HDAC1: variants seen among roughly 807,000 people sequenced by gnomAD.
HDAC1 encodes the protein histone deacetylase 1.
HDAC1 carries 18 observed loss-of-function variants against 65.5 expected under a neutral mutation model. The ratio of observed to expected loss-of-function variants is 0.27; its 90% CI spans 0.19 to 0.41. The LOEUF is 0.41. Ranked by LOEUF, HDAC1 falls within the 10% of genes least tolerant of loss-of-function variation. HDAC1 has a pLI of 1.00. For synonymous variants in HDAC1, 211 were observed against 227.9 expected (o/e 0.93, Z 0.67); for missense variants, 373 against 625.2 (o/e 0.60, Z 4.30).
At chr1:32,326,442 G>A (rs930964257) in intron 4 of HDAC1, among the ~76,000 whole-genome samples, 2 of 152,112 alleles carry the variant, frequency 1.3e-5, no homozygotes, top group Non-Finnish European at 2.9e-5. Context: ...TGGGATTACA[G>A]GTGTGAGCCA....
intron 1 of HDAC1, among the ~76,000 whole-genome samples, chr1:32,301,402 C>T (rs1404421396): frequency 2.0e-5 from 3 of 151,464 alleles, no homozygotes; most frequent in Non-Finnish European, 4.4e-5. Flanking sequence ...GCTGAGATCG[C>T]GCCACTGCAC....
Position 32,333,178 on chromosome 1 carries a change from C to G in HDAC1, c.*134C>G. On this transcript the variant is annotated 3_prime_UTR_variant, in exon 14 of 14. Coordinates refer to ENST00000373548, the MANE Select transcript of HDAC1 (RefSeq NM_004964.3). ...ATATAAATATCCCCAGGGACAGAAA[C>G]CAAGGCCCCGAGCTCAGGGCAGCTG... The G allele has an allele frequency of 1.4e-6, 1 of 738,322 alleles. No individual in the cohort carries two copies. The highest frequency in any genetic ancestry group is 2.1e-6 in the Non-Finnish European group (1 of 472,092). The allele number at this position is 738,322 out of a possible 1,614,324, so 45.7% of individuals were successfully genotyped here.
intron 2 of HDAC1, among the ~76,000 whole-genome samples, chr1:32,311,209 T>TGTA (rs1190187522): frequency 1.3e-5 from 2 of 152,180 alleles, no homozygotes; most frequent in Non-Finnish European, 2.9e-5. Context: ...GGCTCATGCC[T>TGTA]GTAACCCTGG....
chr1:32,292,250 C>T (rs1162634994), intron 1 of HDAC1, 32 bp downstream of exon 1: 3 of 1,546,980 alleles, frequency 1.9e-6, no homozygotes, highest in Non-Finnish European at 2.6e-6. Context: ...GGGGCGGGGC[C>T]AGGCCGGGCC....
chr1:32,329,142 T>C lies in HDAC1; in HGVS notation c.711T>C (p.Tyr237=), dbSNP rs1289789470. 6.2e-7 allele frequency: 1 copy of C among 1,610,320 alleles called. No individual in the cohort carries two copies. The highest frequency in any genetic ancestry group is 8.5e-7 in the Non-Finnish European group (1 of 1,176,590). Reference sequence around the variant, plus strand: ...GAGACGGGATTGATGACGAGTCCTATGAGGCCATTTTCAAGCCGGTAAGTG... The same window carrying C: ...GAGACGGGATTGATGACGAGTCCTACGAGGCCATTTTCAAGCCGGTAAGTG... The part of the protein sequence containing the change: ...PLRDGIDDES[Y]EAIFKPVMSK... The change falls in exon 7 of 14, where the codon TAT becomes TAC. Residue 237 remains tyrosine (Y), a synonymous_variant. Coordinates refer to ENST00000373548, the MANE Select transcript of HDAC1 (RefSeq NM_004964.3). This position sits in a 1 kb window ranked among gnomAD's most constrained non-coding sequence, Gnocchi z 4.1.
intron 1 of HDAC1, among the ~76,000 whole-genome samples, chr1:32,298,472 G>A (rs1421430436): frequency 1.3e-5 from 2 of 151,222 alleles, no homozygotes; most frequent in Non-Finnish European, 3.0e-5. Context: ...ACCCGCCTCG[G>A]CCCAAAGTGC....
chr1:32,308,323 A>G (rs1233817128), intron 2 of HDAC1, among the ~76,000 whole-genome samples: 3 of 152,188 alleles, frequency 2.0e-5, no homozygotes, highest in African/African-American at 7.2e-5. Flanking sequence ...CCGTCTCAAA[A>G]AAAAGAATAT....
intron 2 of HDAC1, among the ~76,000 whole-genome samples, chr1:32,309,079 T>C (rs1193062081): frequency 6.6e-6 from 1 of 152,162 alleles, no homozygotes; most frequent in Non-Finnish European, 1.5e-5. Flanking sequence ...CCCAAAGCGT[T>C]AGGATTATAG....
chr1:32,329,436 C>T lies in HDAC1; in HGVS notation c.729+276C>T. On this transcript the variant is annotated intron_variant, in intron 7 of 13. Transcript: ENST00000373548. The surrounding 1 kb of genome is among the most constrained non-coding windows in gnomAD (Gnocchi z 4.1). ...TATGGTGGGGAAGGCAGGCACATAC[C>T]CAGTAGTCTATGATTAGTACTGTTT... is the stretch of plus-strand genomic sequence containing the variant. 1 of 557,554 alleles carries T rather than the reference C, an allele frequency of 1.8e-6. No individual in the cohort carries two copies. Among genetic ancestry groups the T allele is most frequent in the South Asian group, 2.1e-5 (1 of 47,362 alleles). The allele number at this position is 557,554 out of a possible 1,614,324, so 34.5% of individuals were successfully genotyped here. A position where few individuals can be genotyped will look rare whatever the true frequency, so the allele number is the denominator to read the frequency against.
chr1:32,324,947 C>A (rs978384424), intron 4 of HDAC1, among the ~76,000 whole-genome samples: 1 of 151,940 alleles, frequency 6.6e-6, no homozygotes, highest in African/African-American at 2.4e-5. Context: ...GCCTGGGCAA[C>A]AAAGCAAGAC....
chr1:32,315,993 A>G (rs536221664), intron 2 of HDAC1, among the ~76,000 whole-genome samples: 19 of 147,704 alleles, frequency 1.3e-4, no homozygotes, highest in African/African-American at 4.8e-4. Context: ...AAAAAAAACG[A>G]AAAAAAAGGT....
intron 2 of HDAC1, among the ~76,000 whole-genome samples, chr1:32,314,495 A>G (rs1641031615): frequency 6.6e-6 from 1 of 152,004 alleles, no homozygotes; most frequent in Non-Finnish European, 1.5e-5. Context: ...ACCCAGCCCA[A>G]TAATGATCTT....
In HDAC1 at chr1:32,329,259, CT is replaced by C. The variant is rs1641260115; in HGVS notation, c.729+100del. ...ACCATACCTCAGGAATCTCTCCTTACTAAAGCTGGTGGGGAGATAGAAGTGT... is the reference window on the plus strand; with the variant it reads ...ACCATACCTCAGGAATCTCTCCTTACAAAGCTGGTGGGGAGATAGAAGTGT... On this transcript the variant is annotated intron_variant, in intron 7 of 13. Coordinates refer to ENST00000373548, the MANE Select transcript of HDAC1 (RefSeq NM_004964.3). The surrounding 1 kb of genome is among the most constrained non-coding windows in gnomAD (Gnocchi z 4.1). 1 of 790,534 alleles carries C rather than the reference CT, an allele frequency of 1.3e-6. No individual in the cohort carries two copies. The highest frequency in any genetic ancestry group is 2.3e-6 in the Non-Finnish European group (1 of 437,336). 49.0% of individuals were successfully genotyped at this position (790,534 alleles called of 1,614,324 possible).
rs1052442089 is a variant in HDAC1, at chr1:32,315,990, A to C, written c.163-675A>C. On this transcript the variant is annotated intron_variant, in intron 2 of 13. Transcript: ENST00000373548. ...AAAACAAACAAACAAACAAAAAAAA[A>C]CGAAAAAAAAGGTCGGGCTTGGTGG... Among the ~76,000 whole-genome samples the C allele has an allele frequency of 2.0e-5, 3 of 149,590 alleles. 1 individual carries two copies. Among genetic ancestry groups the C allele is most frequent in the South Asian group, 4.2e-4 (2 of 4,728 alleles).
intron 3 of HDAC1, 23 bp downstream of exon 3, chr1:32,316,805 C>A: frequency 6.9e-7 from 1 of 1,440,042 alleles, no homozygotes. Flanking sequence ...TGTTCCCTCA[C>A]ACTCTGAAGC....
intron 1 of HDAC1, among the ~76,000 whole-genome samples, chr1:32,298,359 T>A (rs1475429716): frequency 6.6e-6 from 1 of 152,026 alleles, no homozygotes; most frequent in Middle Eastern, 3.2e-3. Flanking sequence ...AGTGTTGGGA[T>A]TACAGGCGTC....
intron 2 of HDAC1, among the ~76,000 whole-genome samples, chr1:32,308,014 A>C (rs916586328): frequency 6.6e-6 from 1 of 152,232 alleles, no homozygotes; most frequent in Non-Finnish European, 1.5e-5. Flanking sequence ...TTGCTATATC[A>C]AAGAGCTTAG....
intron 2 of HDAC1, among the ~76,000 whole-genome samples, chr1:32,303,122 A>G (rs775839380): frequency 1.3e-5 from 2 of 151,966 alleles, no homozygotes; most frequent in Non-Finnish European, 2.9e-5. Flanking sequence ...GTAGTGAGCT[A>G]TGATTGTGCC....
In HDAC1 at chr1:32,333,313, TAA is replaced by T. The variant is rs1641325515; in HGVS notation, c.*270_*271del. ...TGAAAGGGATACTTTTATGCAACCATAAGACAAACTCCTGAAATGCCAAGTGC... is the reference window on the plus strand; with the variant it reads ...TGAAAGGGATACTTTTATGCAACCATGACAAACTCCTGAAATGCCAAGTGC... On this transcript the variant is annotated 3_prime_UTR_variant, in exon 14 of 14. Transcript: ENST00000373548. 4.3e-5 allele frequency: 13 copies of T among 299,890 alleles called. No individual in the cohort carries two copies. In the South Asian group the frequency reaches 9.0e-4, roughly 21 times the overall value. 18.6% of individuals were successfully genotyped at this position (299,890 alleles called of 1,614,324 possible).
Sources: gnomAD v4.1 joint callset for allele counts (sites outside exome capture counted in the v4.1 genomes callset) on GRCh38, gnomAD v4.1.1 for gene constraint, Gnocchi (gnomAD v3.1) non-coding constraint, MANE v1.5 for transcripts, NCBI Gene and HGNC (gene_info 2026-07-23, HGNC 2026-07-21) for gene names.